RNLS: variants seen among roughly 807,000 people sequenced by gnomAD.
RNLS encodes renalase.
Under a neutral mutation model 39.8 loss-of-function variants are expected in RNLS, and 39 were observed. The ratio of observed to expected loss-of-function variants is 0.98; its 90% CI spans 0.76 to 1.28. RNLS has a LOEUF of 1.28. RNLS is among the 50% of genes most tolerant of loss of function. RNLS has a pLI of 0.00. For synonymous variants in RNLS, 147 were observed against 150.7 expected, an observed-to-expected ratio of 0.98 and a Z score of 0.18; for missense variants, 410 against 413.3, an observed-to-expected ratio of 0.99 and a Z score of 0.07.
At chr10:88,499,342 A>C (rs1334204610) in intron 4 of RNLS, among the ~76,000 whole-genome samples, 1 of 152,120 alleles carries the variant, frequency 6.6e-6, no homozygotes, top group African/African-American at 2.4e-5. Context: ...TTAAAGCAGA[A>C]TTTCTCAGTT....
intron 4 of RNLS, among the ~76,000 whole-genome samples, chr10:88,456,479 C>T (rs1337533469): frequency 6.6e-6 from 1 of 151,830 alleles, no homozygotes; most frequent in Non-Finnish European, 1.5e-5. Flanking sequence ...TGGCAGATAA[C>T]GCAAAACCAA....
intron 4 of RNLS, among the ~76,000 whole-genome samples, chr10:88,426,259 T>C (rs930080378): frequency 2.0e-5 from 3 of 152,054 alleles, no homozygotes; most frequent in African/African-American, 7.2e-5. Context: ...TTGGGGCACA[T>C]TTGGCAGTTC....
At chr10:88,517,521 T>C (rs1846476385) in intron 4 of RNLS, among the ~76,000 whole-genome samples, 1 of 151,974 alleles carries the variant, frequency 6.6e-6, no homozygotes, top group African/African-American at 2.4e-5. Context: ...TTACATGGTA[T>C]GTAATATGAA....
At chr10:88,556,053 C>A (rs1050173075) in intron 4 of RNLS, among the ~76,000 whole-genome samples, 1 of 152,144 alleles carries the variant, frequency 6.6e-6, no homozygotes, top group Non-Finnish European at 1.5e-5. Flanking sequence ...GCAACTCAAA[C>A]CCAATCCAAG....
the RNLS span, among the ~76,000 whole-genome samples, chr10:88,191,899 A>T: frequency 6.6e-6 from 1 of 151,814 alleles, no homozygotes; most frequent in Non-Finnish European, 1.5e-5. Flanking sequence ...AGAACATGCC[A>T]TCCCTTGATT....
chr10:88,458,396 C>T (rs1842754383), intron 4 of RNLS, among the ~76,000 whole-genome samples: 1 of 152,284 alleles, frequency 6.6e-6, no homozygotes, highest in Non-Finnish European at 1.5e-5. Context: ...CTTCCCCCTC[C>T]TCTTTGCTTC....
chr10:88,354,207 C>A (rs1182594712), intron 5 of RNLS, among the ~76,000 whole-genome samples: 1 of 152,142 alleles, frequency 6.6e-6, no homozygotes, highest in South Asian at 2.1e-4. Context: ...AGCATTTAGC[C>A]TGTTTACATG....
intron 4 of RNLS, among the ~76,000 whole-genome samples, chr10:88,491,511 G>A (rs905292034): frequency 2.6e-5 from 4 of 152,126 alleles, no homozygotes; most frequent in Admixed American, 2.6e-4. Context: ...ATATGTTTCT[G>A]AGTGCCACAA....
At chr10:88,400,940 G>C (rs1426115160) in intron 4 of RNLS, among the ~76,000 whole-genome samples, 1 of 151,570 alleles carries the variant, frequency 6.6e-6, no homozygotes, top group Non-Finnish European at 1.5e-5. Flanking sequence ...ATAATTTATT[G>C]AATATTATTT....
intron 6 of RNLS, among the ~76,000 whole-genome samples, chr10:88,296,555 C>A (rs757920011): frequency 1.3e-5 from 2 of 152,018 alleles, no homozygotes; most frequent in Non-Finnish European, 2.9e-5. Flanking sequence ...GGTCTAGAAA[C>A]GAACTTCCTT....
Position 88,319,580 on chromosome 10 carries a change from GA to G in RNLS, c.701-4940del, listed in dbSNP as rs981569503. Among the ~76,000 whole-genome samples the G allele has an allele frequency of 2.7e-5, 4 of 150,852 alleles. No homozygotes were observed. The South Asian group carries it at 8.4e-4, about 31-fold the overall frequency. Reference sequence around the variant, plus strand: ...AGATGAGACAGCTATGTCAAAAAAAGAAAAAAAACCCAAACAATTAGAACTT... The same window carrying G: ...AGATGAGACAGCTATGTCAAAAAAAGAAAAAAACCCAAACAATTAGAACTT... On this transcript the variant is annotated intron_variant, in intron 5 of 6. Coordinates refer to ENST00000331772, the MANE Select transcript of RNLS (RefSeq NM_001031709.3).
intron 4 of RNLS, among the ~76,000 whole-genome samples, chr10:88,422,513 C>T (rs1412395730): frequency 5.3e-5 from 8 of 152,160 alleles, no homozygotes; most frequent in South Asian, 2.1e-4. Flanking sequence ...TACTTTCTTT[C>T]GGGTAACTGG....
rs781484693 is a variant in RNLS, at chr10:88,449,856, T to C, written c.527-87131A>G. On this transcript the variant is annotated intron_variant, in intron 4 of 6. Transcript: ENST00000331772. Reference sequence around the variant, plus strand: ...TAAGTATCTTTTGGTGTTTCTAACATTAAACTAAAGAATGTTGGAGCTCTC... The same window carrying C: ...TAAGTATCTTTTGGTGTTTCTAACACTAAACTAAAGAATGTTGGAGCTCTC... Among the ~76,000 whole-genome samples the C allele has an allele frequency of 6.6e-5, 10 of 152,192 alleles. No individual in the cohort carries two copies. The South Asian group carries it at 8.3e-4, about 13-fold the overall frequency.
At chr10:88,517,936 C>A (rs928911898) in intron 4 of RNLS, among the ~76,000 whole-genome samples, 3 of 151,752 alleles carry the variant, frequency 2.0e-5, no homozygotes, top group Admixed American at 6.6e-5. Flanking sequence ...CATTAAGATT[C>A]TTTTGTTATA....
the RNLS span, among the ~76,000 whole-genome samples, chr10:88,212,525 C>A: frequency 2.6e-5 from 4 of 152,192 alleles, no homozygotes; most frequent in Non-Finnish European, 5.9e-5. Flanking sequence ...TTTAATCATT[C>A]ACTTAGCATA....
chr10:88,333,981 T>C (rs549529757), intron 5 of RNLS, among the ~76,000 whole-genome samples: 1 of 152,314 alleles, frequency 6.6e-6, no homozygotes, highest in African/African-American at 2.4e-5. Context: ...AGCAATAAAT[T>C]TATACTGCTT....
chr10:88,174,857 G>T, the RNLS span, among the ~76,000 whole-genome samples: 1 of 152,138 alleles, frequency 6.6e-6, no homozygotes, highest in Non-Finnish European at 1.5e-5. Context: ...TTAAAAGTTT[G>T]CTAGAATTCA....
At chr10:88,296,902 AAC>A (rs1161010166) in intron 6 of RNLS, among the ~76,000 whole-genome samples, 1 of 152,152 alleles carries the variant, frequency 6.6e-6, no homozygotes, top group Non-Finnish European at 1.5e-5. Context: ...GAAAGTCATA[AAC>A]ACAGACTGAG....
chr10:88,525,000 C>T (rs2765455), intron 4 of RNLS, among the ~76,000 whole-genome samples: 15,184 of 69,682 alleles, frequency 0.22, 1,428 homozygotes, highest in Non-Finnish European at 0.28. Context: ...TATATATATA[C>T]ACACACACAC....
Sources: gnomAD v4.1 joint callset for allele counts (sites outside exome capture counted in the v4.1 genomes callset) on GRCh38, gnomAD v4.1.1 for gene constraint, MANE v1.5 for transcripts, NCBI Gene and HGNC (gene_info 2026-07-23, HGNC 2026-07-21) for gene names.